The following SFMBT1 variants were observed in gnomAD, a reference collection of about 807,000 sequenced individuals.
SFMBT1 encodes Scm like with four mbt domains 1.
A neutral mutation model predicts 108.7 loss-of-function variants in SFMBT1; 32 were observed. The observed-to-expected ratio is 0.29, with a 90% CI of 0.22 to 0.40. The LOEUF is 0.40. Among genes scored for constraint, SFMBT1 ranks in the 10% least tolerant of loss-of-function variants. SFMBT1 has a pLI of 1.00. For synonymous variants in SFMBT1, 348 were observed against 369.5 expected, an observed-to-expected ratio of 0.94 and a Z score of 0.67; for missense variants, 816 against 1,059.6, an observed-to-expected ratio of 0.77 and a Z score of 3.19.
chr3:52,920,742 G>T, intron 11 of SFMBT1, 92 bp from the exon 12 acceptor site: 1 of 716,080 alleles, frequency 1.4e-6, no homozygotes. Context: ...TCTAGATAAT[G>T]TTCTACTCTT....
chr3:53,014,821 C>A (rs1010759111), intron 1 of SFMBT1, among the ~76,000 whole-genome samples: 1 of 152,168 alleles, frequency 6.6e-6, no homozygotes. Flanking sequence ...AATGTTAATA[C>A]AGCAGAGAGA....
At chr3:52,990,517 GA>G (rs556749142) in intron 1 of SFMBT1, among the ~76,000 whole-genome samples, 328 of 151,970 alleles carry the variant, frequency 2.2e-3, no homozygotes, top group Non-Finnish European at 3.8e-3. Context: ...AATCTTTAAA[GA>G]AAAAAAATCA....
intron 2 of SFMBT1, among the ~76,000 whole-genome samples, chr3:52,963,138 C>A (rs7652131): frequency 6.6e-6 from 1 of 151,420 alleles, no homozygotes; most frequent in Non-Finnish European, 1.5e-5. Flanking sequence ...GGATTACAGG[C>A]GCATACCACC....
chr3:52,912,153 T>A (rs1293261294), intron 16 of SFMBT1, among the ~76,000 whole-genome samples: 1 of 152,138 alleles, frequency 6.6e-6, no homozygotes, highest in African/African-American at 2.4e-5. Context: ...CTTCTGATAT[T>A]ATCCACAGAA....
chr3:53,044,705 T>C (rs1700159083), intron 1 of SFMBT1, among the ~76,000 whole-genome samples: 1 of 152,258 alleles, frequency 6.6e-6, no homozygotes, highest in South Asian at 2.1e-4. Context: ...TCTTACTTCC[T>C]TTCGAATCTC....
intron 1 of SFMBT1, among the ~76,000 whole-genome samples, chr3:52,982,964 A>C (rs1314429059): frequency 6.6e-6 from 1 of 152,216 alleles, no homozygotes; most frequent in Non-Finnish European, 1.5e-5. Context: ...TCCCTCTATG[A>C]TATGGCACTG....
Position 52,906,130 on chromosome 3 carries a change from T to G in SFMBT1, c.2443A>C (p.Arg815=). 1 of 1,614,152 alleles carries G rather than the reference T, an allele frequency of 6.2e-7. No homozygotes were observed. Among genetic ancestry groups the G allele is most frequent in the Non-Finnish European group, 8.5e-7 (1 of 1,179,972 alleles). Residue 815 remains arginine (R), a synonymous_variant, in exon 20 of 21, where the codon AGA becomes CGA. Coordinates refer to ENST00000394752, the MANE Select transcript of SFMBT1 (RefSeq NM_016329.4). The part of the protein sequence containing the change: ...IRSTDCAPLA[R]IFLDQEIDGQ... ...GTGATTACCTGGTCTAGGAATATTC[T>G]TGCTAATGGAGCACAGTCAGTGGAT... is the stretch of plus-strand genomic sequence containing the variant.
intron 1 of SFMBT1, among the ~76,000 whole-genome samples, chr3:53,022,924 G>A (rs1247150238): frequency 6.6e-6 from 1 of 152,112 alleles, no homozygotes; most frequent in Non-Finnish European, 1.5e-5. Flanking sequence ...CTTTATGAAT[G>A]CATTTAATAC....
chr3:52,966,439 C>T (rs528628301), intron 2 of SFMBT1, among the ~76,000 whole-genome samples: 81 of 151,136 alleles, frequency 5.4e-4, no homozygotes, highest in Non-Finnish European at 9.4e-4. Context: ...TCCTGGCTAA[C>T]ACAGTGAAAC....
intron 1 of SFMBT1, among the ~76,000 whole-genome samples, chr3:53,010,221 C>T (rs1363889604): frequency 6.6e-6 from 1 of 152,176 alleles, no homozygotes; most frequent in Non-Finnish European, 1.5e-5. Context: ...AACAAACAAG[C>T]AAGTGAAACT....
chr3:53,028,284 G>A (rs957807194), intron 1 of SFMBT1, among the ~76,000 whole-genome samples: 8 of 152,140 alleles, frequency 5.3e-5, no homozygotes, highest in Admixed American at 3.3e-4. Context: ...GTTTTGTCAT[G>A]TTGCCCATGC....
chr3:53,024,336 A>G (rs755628464), intron 1 of SFMBT1, among the ~76,000 whole-genome samples: 18 of 150,108 alleles, frequency 1.2e-4, no homozygotes, highest in Non-Finnish European at 2.2e-4. Flanking sequence ...AGTTACTCAC[A>G]TAACTGTAGG....
chr3:52,993,651 A>G (rs576453367), intron 1 of SFMBT1, among the ~76,000 whole-genome samples: 1 of 150,214 alleles, frequency 6.7e-6, no homozygotes, highest in South Asian at 2.1e-4. Context: ...CTGTGACAGT[A>G]TTTAAAACAG....
chr3:53,012,154 A>G (rs1698964344), intron 1 of SFMBT1, among the ~76,000 whole-genome samples: 1 of 152,200 alleles, frequency 6.6e-6, no homozygotes, highest in Non-Finnish European at 1.5e-5. Flanking sequence ...CATGAAAGGA[A>G]ATTCAAGAGA....
chr3:53,030,378 G>A (rs1223639917), intron 1 of SFMBT1, among the ~76,000 whole-genome samples: 1 of 151,872 alleles, frequency 6.6e-6, no homozygotes, highest in East Asian at 1.9e-4. Context: ...GGAACTAGGG[G>A]TTTCAGTAAA....
intron 3 of SFMBT1, among the ~76,000 whole-genome samples, chr3:52,945,898 C>G (rs534111596): frequency 6.6e-6 from 1 of 151,996 alleles, no homozygotes; most frequent in East Asian, 1.9e-4. Flanking sequence ...AACAGGATAT[C>G]TGCAAAATCT....
At chr3:53,002,121 T>C (rs573593597) in intron 1 of SFMBT1, among the ~76,000 whole-genome samples, 20 of 149,992 alleles carry the variant, frequency 1.3e-4, no homozygotes, top group African/African-American at 4.6e-4. Context: ...TCCAGCCCAG[T>C]TGGCCGCAGT....
chr3:52,989,739 A>G (rs1705055606), intron 1 of SFMBT1, among the ~76,000 whole-genome samples: 1 of 151,968 alleles, frequency 6.6e-6, no homozygotes, highest in African/African-American at 2.4e-5. Context: ...GGGTGCAGTA[A>G]GCCAAGGTCA....
In SFMBT1 at chr3:52,928,422, C is replaced by T. The variant is rs1013523021; in HGVS notation, c.898-81G>A. The T allele has an allele frequency of 2.7e-6, 4 of 1,459,482 alleles. No individual in the cohort carries two copies. The South Asian group carries it at 5.1e-5, about 19-fold the overall frequency. 90.4% of individuals were successfully genotyped at this position (1,459,482 alleles called of 1,614,324 possible). On this transcript the variant is annotated intron_variant, in intron 8 of 20. Coordinates refer to ENST00000394752, the MANE Select transcript of SFMBT1 (RefSeq NM_016329.4). ...CTCCTTGGCACAGCCAAACATATTACAAAAGTTCATACTCATGTGGGTATT... is the reference window on the plus strand; with the variant it reads ...CTCCTTGGCACAGCCAAACATATTATAAAAGTTCATACTCATGTGGGTATT...
Sources: allele counts gnomAD v4.1 joint callset (sites outside exome capture counted in the v4.1 genomes callset), GRCh38; gene constraint gnomAD v4.1.1; transcripts MANE v1.5; gene names NCBI Gene and HGNC (gene_info 2026-07-23, HGNC 2026-07-21).